PKP4: variants seen among roughly 807,000 people sequenced by gnomAD.
The protein encoded by PKP4 is plakophilin 4, also known as plakophilin-4.
PKP4 carries 90 observed loss-of-function variants against 145.1 expected under a neutral mutation model. The ratio of observed to expected loss-of-function variants is 0.62; its 90% CI spans 0.52 to 0.74. The LOEUF (loss-of-function observed/expected upper bound fraction) is 0.74, where lower values mean the gene tolerates loss of function less well. PKP4 is among the 30% of genes least tolerant of loss of function. PKP4 has a pLI of 0.00. For synonymous variants in PKP4, 563 were observed against 577.2 expected (o/e 0.98, Z 0.35); for missense variants, 1,340 against 1,482.7 (o/e 0.90, Z 1.58).
intron 3 of PKP4, among the ~76,000 whole-genome samples, chr2:158,601,972 C>G (rs1259134126): frequency 6.6e-6 from 1 of 152,062 alleles, no homozygotes. Context: ...ACTCCTTTTT[C>G]TATAAATTTA....
intron 1 of PKP4, among the ~76,000 whole-genome samples, chr2:158,501,375 T>G (rs1200286041): frequency 1.3e-5 from 2 of 152,256 alleles, no homozygotes; most frequent in African/African-American, 2.4e-5. Flanking sequence ...TATTTCTAAT[T>G]GCTACATGCC....
chr2:158,533,140 C>A, intron 1 of PKP4, 40 bp from the exon 2 acceptor site: 2 of 1,556,752 alleles, frequency 1.3e-6, no homozygotes, highest in Non-Finnish European at 8.7e-7. Flanking sequence ...TGCAAGGGAG[C>A]CCAGAAGAAA....
rs759882209 is a variant in PKP4 at position 158,634,294 on chromosome 2, G to T, written c.1562+5G>T. 6.2e-7 allele frequency: 1 copy of T among 1,611,944 alleles called. No homozygotes were observed. Among genetic ancestry groups the T allele is most frequent in the Non-Finnish European group, 8.5e-7 (1 of 1,178,294 alleles). On this transcript the variant is annotated splice_donor_5th_base_variant and intron_variant, in intron 9 of 21. Coordinates refer to ENST00000389759, the MANE Select transcript of PKP4 (RefSeq NM_003628.6). ...CAGCATTCAGAAGGACCCCAGGCGAGTACCAGTTAGGAGTCTCTAGAAGGC... is the reference window on the plus strand; with the variant it reads ...CAGCATTCAGAAGGACCCCAGGCGATTACCAGTTAGGAGTCTCTAGAAGGC...
chr2:158,578,420 A>G (rs1470495041), intron 3 of PKP4, among the ~76,000 whole-genome samples: 1 of 152,164 alleles, frequency 6.6e-6, no homozygotes, highest in East Asian at 1.9e-4. Flanking sequence ...GAAGGTTTTT[A>G]TAGAAAGAGA....
Position 158,658,240 on chromosome 2 carries a change from C to G in PKP4, c.2019C>G (p.Asn673Lys), listed in dbSNP as rs760968372. The G allele has an allele frequency of 1.2e-6, 2 of 1,602,608 alleles. No individual in the cohort carries two copies. Among genetic ancestry groups the G allele is most frequent in the Non-Finnish European group, 1.7e-6 (2 of 1,170,060 alleles). ...TVIVPHSGWN[N>K]SSFDDDHKIK... ...TTGTTCCACATTCTGGATGGAATAACTCTTCTTTTGATGATGATCATAAAA... is the reference window on the plus strand; with the variant it reads ...TTGTTCCACATTCTGGATGGAATAAGTCTTCTTTTGATGATGATCATAAAA... Residue 673 changes from asparagine (N) to lysine (K), a missense_variant, in exon 12 of 22, where the codon AAC (asparagine) becomes AAG (lysine). Transcript: ENST00000389759.
At chr2:158,554,069 G>A (rs771367797) in intron 2 of PKP4, among the ~76,000 whole-genome samples, 2 of 150,090 alleles carry the variant, frequency 1.3e-5, no homozygotes, top group Non-Finnish European at 3.0e-5. Context: ...AAGCTAAGTA[G>A]GTGGGGTCAG....
intron 2 of PKP4, among the ~76,000 whole-genome samples, chr2:158,572,713 A>AT (rs1246939526): frequency 1.3e-5 from 2 of 152,220 alleles, no homozygotes; most frequent in Non-Finnish European, 2.9e-5. Flanking sequence ...TACCTATGAG[A>AT]TTCAAAAACT....
intron 1 of PKP4, among the ~76,000 whole-genome samples, chr2:158,471,763 A>G (rs1691605510): frequency 1.3e-5 from 2 of 152,394 alleles, no homozygotes; most frequent in South Asian, 4.1e-4. Context: ...CATTATTTCA[A>G]AGAAAAAAGA....
intron 1 of PKP4, among the ~76,000 whole-genome samples, chr2:158,515,889 T>C (rs1024327079): frequency 6.6e-6 from 1 of 151,880 alleles, no homozygotes; most frequent in Non-Finnish European, 1.5e-5. Flanking sequence ...GTACAGAAAA[T>C]TTAAAAATGG....
At chr2:158,538,009 C>A (rs113298061) in intron 2 of PKP4, among the ~76,000 whole-genome samples, 9,577 of 152,060 alleles carry the variant, frequency 0.063, 405 homozygotes, top group South Asian at 0.11. Flanking sequence ...AGAGCAAGAA[C>A]CTGTCTCCAA....
intron 1 of PKP4, among the ~76,000 whole-genome samples, chr2:158,527,365 G>C (rs1257507832): frequency 1.5e-5 from 2 of 133,864 alleles, no homozygotes; most frequent in African/African-American, 2.9e-5. Flanking sequence ...TGACAAACCT[G>C]AGAAAAACAA....
chr2:158,621,192 T>C lies in PKP4; in HGVS notation c.413-39T>C, dbSNP rs757857574. 6.2e-6 allele frequency: 10 copies of C among 1,612,944 alleles called. No homozygotes were observed. The South Asian group carries it at 8.8e-5, about 14-fold the overall frequency. ...TATTCTTGAAAGCGAGTGTCAGAAG[T>C]GTGTATAATAAAGATATTTCTTGGT... On this transcript the variant is annotated intron_variant, in intron 5 of 21. Coordinates refer to ENST00000389759, the MANE Select transcript of PKP4 (RefSeq NM_003628.6).
At position 158,662,912 on chromosome 2, in the gene PKP4, G is replaced by A. The variant is rs374838936; in HGVS notation, c.2227G>A (p.Val743Met). ...TGGGTTTCAGACGGTGGAGAACTGC[G>A]TGTGCACCCTGAGGAACCTGTCCTA... ...DYDSKTVENC[V>M]CTLRNLSYRL... The change falls in exon 14 of 22, where the codon GTG becomes ATG. Residue 743 changes from valine to methionine, a missense_variant. Transcript: ENST00000389759. 3.0e-5 allele frequency: 48 copies of A among 1,605,452 alleles called. No individual in the cohort carries two copies. The highest frequency in any genetic ancestry group is 2.4e-4 in the South Asian group (22 of 90,136).
chr2:158,465,978 C>T (rs531584039), intron 1 of PKP4, among the ~76,000 whole-genome samples: 2 of 152,314 alleles, frequency 1.3e-5, no homozygotes, highest in Admixed American at 1.3e-4. Context: ...AAGTGTCAGT[C>T]TTCCAAAATA....
At chr2:158,510,687 A>C (rs763035317) in intron 1 of PKP4, among the ~76,000 whole-genome samples, 21 of 152,170 alleles carry the variant, frequency 1.4e-4, no homozygotes, top group Admixed American at 2.6e-4. Flanking sequence ...CTGGAGTTCC[A>C]GGAGGGCTGG....
chr2:158,545,282 T>C (rs1048108046), intron 2 of PKP4, among the ~76,000 whole-genome samples: 7 of 152,244 alleles, frequency 4.6e-5, no homozygotes, highest in Admixed American at 2.6e-4. Context: ...CCCTTAGCTT[T>C]GTCCTTTTTG....
chr2:158,636,467 C>T (rs2053819146), intron 9 of PKP4, among the ~76,000 whole-genome samples: 3 of 152,042 alleles, frequency 2.0e-5, no homozygotes, highest in African/African-American at 7.2e-5. Context: ...TAGCTTTCAG[C>T]TGTTTTATTC....
chr2:158,640,846 A>C (rs537176410), intron 10 of PKP4, 87 bp downstream of exon 10: 14 of 1,399,012 alleles, frequency 1.0e-5, no homozygotes, highest in Non-Finnish European at 1.4e-5. Context: ...GAAATTACCC[A>C]GTGTAATTCA....
At chr2:158,459,117 A>G (rs963198239) in intron 1 of PKP4, among the ~76,000 whole-genome samples, 1 of 152,230 alleles carries the variant, frequency 6.6e-6, no homozygotes, top group Non-Finnish European at 1.5e-5. Flanking sequence ...TTTAAAGAGA[A>G]ACTAGAAGAA....
Sources: gnomAD v4.1 joint callset for allele counts (sites outside exome capture counted in the v4.1 genomes callset) on GRCh38, gnomAD v4.1.1 for gene constraint, MANE v1.5 for transcripts, NCBI Gene and HGNC (gene_info 2026-07-23, HGNC 2026-07-21) for gene names.